Variants in THSD7B observed in about 807,000 individuals in gnomAD.
THSD7B encodes the protein thrombospondin type-1 domain-containing protein 7B.
THSD7B carries 138 observed loss-of-function variants against 213.6 expected under a neutral mutation model. The observed-to-expected ratio is 0.65, with a 90% CI of 0.56 to 0.74. The LOEUF (loss-of-function observed/expected upper bound fraction) is 0.74. Among genes scored for constraint, THSD7B ranks in the 30% least tolerant of loss-of-function variants. THSD7B has a pLI of 0.00. For synonymous variants in THSD7B, 742 were observed against 687.0 expected, an observed-to-expected ratio of 1.08 and a Z score of -1.25; for missense variants, 1,931 against 1,991.5, an observed-to-expected ratio of 0.97 and a Z score of 0.58.
At chr2:136,925,318 C>T (rs188533369) in intron 2 of THSD7B, among the ~76,000 whole-genome samples, 10 of 152,116 alleles carry the variant, frequency 6.6e-5, no homozygotes, top group East Asian at 1.9e-4. Flanking sequence ...TTTTTATCTG[C>T]GACTTTTATT....
intron 2 of THSD7B, among the ~76,000 whole-genome samples, chr2:136,922,925 C>T (rs510509): frequency 0.99 from 150,060 of 152,320 alleles, 73,963 homozygotes; most frequent in East Asian, 1. Context: ...TATGTAGTTA[C>T]GTGAATTGTA....
At position 137,287,998 on chromosome 2, in the gene THSD7B, C is replaced by T. The variant is rs11887979; in HGVS notation, c.2500+11972C>T. Reference sequence around the variant, plus strand: ...ATCTCTTCAAATAGACGTGAATTCCCTGGCTTCCCTTAACACTTAGATTCC... The same window carrying T: ...ATCTCTTCAAATAGACGTGAATTCCTTGGCTTCCCTTAACACTTAGATTCC... On this transcript the variant is annotated intron_variant, in intron 12 of 27. Transcript: ENST00000409968. 9.1e-3 allele frequency among the ~76,000 whole-genome samples: 1,382 copies of T among 152,192 alleles called. 14 individuals carry two copies. The highest frequency in any genetic ancestry group is 0.031 in the African/African-American group (1,306 of 41,548).
chr2:136,980,640 CT>C (rs1181126434), intron 2 of THSD7B, among the ~76,000 whole-genome samples: 1 of 152,182 alleles, frequency 6.6e-6, no homozygotes, highest in Non-Finnish European at 1.5e-5. Context: ...CACCCCTCCC[CT>C]GGGAACTTAC....
At chr2:136,887,937 CTT>C (rs972009346) in intron 2 of THSD7B, among the ~76,000 whole-genome samples, 1 of 152,040 alleles carries the variant, frequency 6.6e-6, no homozygotes. Flanking sequence ...TTACAGGACT[CTT>C]TGAGAATTAA....
At chr2:137,257,254 A>G (rs1682333313) in intron 10 of THSD7B, among the ~76,000 whole-genome samples, 1 of 152,220 alleles carries the variant, frequency 6.6e-6, no homozygotes, top group African/African-American at 2.4e-5. Context: ...AGTGTTTAAT[A>G]GCATGTCTTC....
intron 1 of THSD7B, among the ~76,000 whole-genome samples, chr2:136,770,291 A>T (rs994243939): frequency 6.6e-6 from 1 of 152,180 alleles, no homozygotes; most frequent in Non-Finnish European, 1.5e-5. Context: ...TAATAAGACT[A>T]AGGCTTGCAG....
intron 15 of THSD7B, among the ~76,000 whole-genome samples, chr2:137,477,096 A>G (rs547179989): frequency 1.9e-4 from 29 of 152,298 alleles, no homozygotes; most frequent in African/African-American, 7.0e-4. Context: ...GATCTCTCTA[A>G]TACTGAGAGT....
intron 1 of THSD7B, among the ~76,000 whole-genome samples, chr2:136,781,722 C>T (rs1681746891): frequency 6.6e-6 from 1 of 152,094 alleles, no homozygotes; most frequent in Non-Finnish European, 1.5e-5. Flanking sequence ...TCCGCAACCA[C>T]ATTCCTGTCT....
intron 7 of THSD7B, among the ~76,000 whole-genome samples, chr2:137,219,214 G>A (rs1194819740): frequency 3.9e-5 from 6 of 152,050 alleles, no homozygotes; most frequent in Non-Finnish European, 7.4e-5. Context: ...AATAGCCAGG[G>A]AATCAGGCAT....
At chr2:137,491,706 A>G (rs1259206698) in intron 15 of THSD7B, among the ~76,000 whole-genome samples, 1 of 152,186 alleles carries the variant, frequency 6.6e-6, no homozygotes, top group Non-Finnish European at 1.5e-5. Context: ...TTCATGCTAC[A>G]CATGTTGAAA....
At chr2:137,589,741 G>A (rs369441396) in intron 17 of THSD7B, among the ~76,000 whole-genome samples, 86 of 152,266 alleles carry the variant, frequency 5.6e-4, no homozygotes, top group African/African-American at 1.5e-3. Context: ...ACATGCAAGC[G>A]TGTAGAATAC....
chr2:137,433,606 G>A (rs1295093913), intron 14 of THSD7B, among the ~76,000 whole-genome samples: 2 of 152,030 alleles, frequency 1.3e-5, no homozygotes, highest in African/African-American at 4.8e-5. Context: ...CACTCTCCTT[G>A]GCCTGTGAAA....
intron 1 of THSD7B, among the ~76,000 whole-genome samples, chr2:136,866,645 T>A (rs1407715301): frequency 1.3e-5 from 2 of 152,246 alleles, no homozygotes; most frequent in Non-Finnish European, 2.9e-5. Flanking sequence ...GGCTTACTTA[T>A]GAAAACATTT....
chr2:137,155,340 G>A (rs544251417), intron 5 of THSD7B, among the ~76,000 whole-genome samples: 70 of 152,292 alleles, frequency 4.6e-4, no homozygotes, highest in African/African-American at 1.6e-3. Flanking sequence ...GGTCTAAGAG[G>A]CAGCTGGAGG....
At chr2:137,486,071 G>A (rs1442455775) in intron 15 of THSD7B, among the ~76,000 whole-genome samples, 2 of 152,196 alleles carry the variant, frequency 1.3e-5, no homozygotes, top group African/African-American at 4.8e-5. Flanking sequence ...TGAAGGCTAG[G>A]AAGAAACTGC....
At chr2:137,422,992 A>G (rs2105028540) in intron 14 of THSD7B, among the ~76,000 whole-genome samples, 1 of 152,266 alleles carries the variant, frequency 6.6e-6, no homozygotes, top group Non-Finnish European at 1.5e-5. Context: ...TTGTGGACCC[A>G]TGATGAAATC....
intron 2 of THSD7B, among the ~76,000 whole-genome samples, chr2:136,928,182 A>G (rs1339762767): frequency 6.6e-6 from 1 of 152,232 alleles, no homozygotes; most frequent in African/African-American, 2.4e-5. Context: ...GCACATGTTT[A>G]GAACATTTAC....
chr2:136,869,609 T>C (rs1287025690), intron 1 of THSD7B, among the ~76,000 whole-genome samples: 1 of 152,210 alleles, frequency 6.6e-6, no homozygotes, highest in East Asian at 1.9e-4. Flanking sequence ...AAAAAAATCA[T>C]ACCTTATAGA....
At chr2:136,940,269 T>C (rs1471289489) in intron 2 of THSD7B, among the ~76,000 whole-genome samples, 1 of 152,134 alleles carries the variant, frequency 6.6e-6, no homozygotes, top group East Asian at 1.9e-4. Context: ...TTAGAACATG[T>C]GGTATTTGAC....
Sources: gnomAD v4.1 joint callset for allele counts (sites outside exome capture counted in the v4.1 genomes callset) on GRCh38, gnomAD v4.1.1 for gene constraint, MANE v1.5 for transcripts, NCBI Gene and HGNC (gene_info 2026-07-23, HGNC 2026-07-21) for gene names.